Variants in DSE observed in about 807,000 individuals in gnomAD.
DSE encodes dermatan sulfate epimerase.
In DSE, 36 loss-of-function variants were observed where a neutral mutation model predicts 84.4. The observed-to-expected ratio is 0.43, with a 90% CI of 0.33 to 0.56. The LOEUF (loss-of-function observed/expected upper bound fraction) is 0.56. DSE is among the 20% of genes least tolerant of loss of function. DSE has a pLI of 0.06. For missense variants in DSE, 862 were observed against 1,169.6 expected (o/e 0.74, Z 3.84); for synonymous variants, 410 against 430.1 (o/e 0.95, Z 0.58).
chr6:116,391,337 G>A (rs908166536), intron 1 of DSE, among the ~76,000 whole-genome samples: 1 of 151,998 alleles, frequency 6.6e-6, no homozygotes, highest in Non-Finnish European at 1.5e-5. Flanking sequence ...TTTGCTGTGT[G>A]GCCTCAGGTT....
In DSE at chr6:116,428,563, T is replaced by C. The variant is rs1291405994; in HGVS notation, c.670+1736T>C. Among the ~76,000 whole-genome samples the C allele has an allele frequency of 3.9e-5, 6 of 152,326 alleles. 1 individual carries two copies. Among genetic ancestry groups the C allele is most frequent in the Middle Eastern group, 6.8e-3 (2 of 294 alleles). On this transcript the variant is annotated intron_variant, in intron 3 of 5. Coordinates refer to ENST00000644252, the MANE Select transcript of DSE (RefSeq NM_013352.4). ...TGCATTTATTTTCTGATTAAAGTTA[T>C]GGTGGCCCTGGCAGACACTCTTCCA...
intron 2 of DSE, among the ~76,000 whole-genome samples, chr6:116,318,374 TG>T (rs928850591): frequency 4.6e-5 from 7 of 151,734 alleles, no homozygotes; most frequent in African/African-American, 1.7e-4. Context: ...GGCATAGTGG[TG>T]GGTGCCTGTA....
At chr6:116,308,123 C>T (rs937258108) in intron 2 of DSE, among the ~76,000 whole-genome samples, 2 of 152,166 alleles carry the variant, frequency 1.3e-5, no homozygotes, top group African/African-American at 2.4e-5. Flanking sequence ...ATTACTATAG[C>T]TCTGTGTTAA....
chr6:116,310,826 A>G (rs1012995488), intron 2 of DSE, among the ~76,000 whole-genome samples: 2 of 152,196 alleles, frequency 1.3e-5, no homozygotes. Context: ...TAAAATGAGA[A>G]CATGTAATTT....
chr6:116,320,989 A>G (rs1240316469), intron 2 of DSE, among the ~76,000 whole-genome samples: 1 of 152,172 alleles, frequency 6.6e-6, no homozygotes, highest in East Asian at 1.9e-4. Flanking sequence ...TAGAGCTGAC[A>G]TGCTGCACAT....
At chr6:116,409,315 C>G (rs552479897) in intron 2 of DSE, among the ~76,000 whole-genome samples, 6 of 152,098 alleles carry the variant, frequency 3.9e-5, no homozygotes. Flanking sequence ...CTCGCTCTGT[C>G]GCCCAGGCTG....
At chr6:116,430,428 C>A (rs1783750583) in intron 3 of DSE, among the ~76,000 whole-genome samples, 1 of 152,108 alleles carries the variant, frequency 6.6e-6, no homozygotes, top group Non-Finnish European at 1.5e-5. Flanking sequence ...TATACAAATC[C>A]TCTCTTGCCA....
intron 1 of DSE, among the ~76,000 whole-genome samples, chr6:116,391,919 G>A (rs1216634681): frequency 6.6e-6 from 1 of 152,082 alleles, no homozygotes; most frequent in Non-Finnish European, 1.5e-5. Flanking sequence ...TTAAGAATAA[G>A]GTTAGATTTA....
intron 2 of DSE, among the ~76,000 whole-genome samples, chr6:116,261,063 T>C (rs1772392280): frequency 6.6e-6 from 1 of 152,208 alleles, no homozygotes; most frequent in Non-Finnish European, 1.5e-5. Context: ...ATCTATAAAT[T>C]GCTTTGGGCA....
At chr6:116,336,893 A>G (rs1293728053) in intron 2 of DSE, among the ~76,000 whole-genome samples, 1 of 152,190 alleles carries the variant, frequency 6.6e-6, no homozygotes, top group Non-Finnish European at 1.5e-5. Context: ...AGCTTTCAAG[A>G]ATCATTAAAT....
intron 1 of DSE, among the ~76,000 whole-genome samples, chr6:116,383,581 C>T (rs1438133497): frequency 1.3e-5 from 2 of 152,194 alleles, no homozygotes; most frequent in African/African-American, 4.8e-5. Flanking sequence ...AAATATCTGG[C>T]CATATTTCAG....
chr6:116,310,147 AG>A (rs1314470861), intron 2 of DSE, among the ~76,000 whole-genome samples: 8 of 152,188 alleles, frequency 5.3e-5, no homozygotes, highest in African/African-American at 1.9e-4. Context: ...CACAGGTCAA[AG>A]TCTGGATCCT....
intron 2 of DSE, among the ~76,000 whole-genome samples, chr6:116,364,046 C>T (rs1321764880): frequency 6.6e-6 from 1 of 152,158 alleles, no homozygotes; most frequent in Non-Finnish European, 1.5e-5. Context: ...GTAACAGTCC[C>T]CATCTATGTT....
rs754860828 is a variant in DSE at position 116,430,964 on chromosome 6, A to G, written c.681A>G (p.Gln227=). The change falls in exon 4 of 6, where the codon CAA becomes CAG. Residue 227 remains glutamine, a synonymous_variant. Coordinates refer to ENST00000644252, the MANE Select transcript of DSE (RefSeq NM_013352.4). ...GTTTTCATCCTTCAGGATATCTTCA[A>G]GAAGCCTACTTATGGACCAAACAAG... ...SLVLMNQGYL[Q]EAYLWTKQVL... 3.5e-5 allele frequency: 57 copies of G among 1,613,414 alleles called. No individual in the cohort carries two copies. In the Middle Eastern group the frequency reaches 9.0e-4, roughly 25 times the overall value.
intron 2 of DSE, among the ~76,000 whole-genome samples, chr6:116,334,858 G>A (rs1777149784): frequency 6.6e-6 from 1 of 152,138 alleles, no homozygotes; most frequent in African/African-American, 2.4e-5. Context: ...TCTCACACCA[G>A]TCAGAATGGC....
At chr6:116,277,473 C>G (rs1773200736) in intron 2 of DSE, 1 of 152,454 alleles carries the variant, frequency 6.6e-6, no homozygotes, top group African/African-American at 2.4e-5. Context: ...ATGTGTCTCT[C>G]TTTAACTATT....
chr6:116,323,436 A>G (rs971313369), intron 2 of DSE, among the ~76,000 whole-genome samples: 2 of 152,198 alleles, frequency 1.3e-5, no homozygotes, highest in African/African-American at 4.8e-5. Context: ...GAAAAATAAA[A>G]AACTTTTCAG....
chr6:116,418,433 A>G (rs73767761), intron 2 of DSE, among the ~76,000 whole-genome samples: 4 of 152,092 alleles, frequency 2.6e-5, no homozygotes, highest in Non-Finnish European at 5.9e-5. Flanking sequence ...GACCAACTCT[A>G]CCTTAGAGTA....
chr6:116,399,141 A>T, intron 1 of DSE, 57 bp from the exon 2 acceptor site: 5 of 1,427,850 alleles, frequency 3.5e-6, no homozygotes, highest in Non-Finnish European at 4.8e-6. Flanking sequence ...ATGTTTCCAC[A>T]CCTGTGCCAT....
Sources: gnomAD v4.1 joint callset for allele counts (sites outside exome capture counted in the v4.1 genomes callset) on GRCh38, gnomAD v4.1.1 for gene constraint, MANE v1.5 for transcripts, NCBI Gene and HGNC (gene_info 2026-07-23, HGNC 2026-07-21) for gene names.